Variants in SLCO5A1 observed in about 807,000 individuals in gnomAD.
SLCO5A1 encodes the protein solute carrier organic anion transporter family member 5A1.
Under a neutral mutation model 65.1 loss-of-function variants are expected in SLCO5A1, and 39 were observed. The ratio of observed to expected loss-of-function variants is 0.60; its 90% confidence interval spans 0.46 to 0.78. The LOEUF (loss-of-function observed/expected upper bound fraction) is 0.78. Ranked by LOEUF, SLCO5A1 falls within the 30% of genes least tolerant of loss-of-function variation. SLCO5A1 has a pLI of 0.00. For missense variants in SLCO5A1, 1,029 were observed against 1,069.4 expected, an observed-to-expected ratio of 0.96 and a Z score of 0.53; for synonymous variants, 438 against 415.7, an observed-to-expected ratio of 1.05 and a Z score of -0.65.
intron 5 of SLCO5A1, among the ~76,000 whole-genome samples, 177 bp downstream of exon 5, chr8:69,737,863 C>T (rs984586958): frequency 2.6e-5 from 4 of 152,134 alleles, no homozygotes; most frequent in Non-Finnish European, 5.9e-5. Context: ...CATGGTAATA[C>T]AATCTGAATC....
chr8:69,792,302 GA>G (rs1334591940), intron 2 of SLCO5A1, among the ~76,000 whole-genome samples: 4 of 152,162 alleles, frequency 2.6e-5, no homozygotes, highest in Non-Finnish European at 4.4e-5. Flanking sequence ...GCAAGATCTT[GA>G]AGGACAAGTA....
chr8:69,806,559 A>T (rs929295953), intron 2 of SLCO5A1, among the ~76,000 whole-genome samples: 1 of 152,214 alleles, frequency 6.6e-6, no homozygotes, highest in African/African-American at 2.4e-5. Flanking sequence ...AACAAGATGA[A>T]CCAGAACAGC....
Position 69,669,446 on chromosome 8 carries a change from G to A in SLCO5A1, c.*3423C>T, listed in dbSNP as rs927417485. 6.6e-6 allele frequency: 1 copy of A among 152,128 alleles called. No homozygotes were observed. Among genetic ancestry groups the A allele is most frequent in the Non-Finnish European group, 1.5e-5 (1 of 68,022 alleles). The allele number at this position is 152,128 out of a possible 1,614,324, so 9.4% of individuals were successfully genotyped here. ...TGAGAGAAATCTATGTCTGAATCCT[G>A]ACTTTACCATTCTGTATGATCCTAA... On this transcript the variant is annotated 3_prime_UTR_variant, in exon 10 of 10. Coordinates refer to ENST00000260126, the MANE Select transcript of SLCO5A1 (RefSeq NM_030958.3).
At chr8:69,771,275 C>T (rs543034663) in intron 2 of SLCO5A1, among the ~76,000 whole-genome samples, 9 of 152,300 alleles carry the variant, frequency 5.9e-5, no homozygotes, top group Non-Finnish European at 1.2e-4. Context: ...TGAACCACCA[C>T]GCCCCACCTG....
chr8:69,673,354 G>A, intron 9 of SLCO5A1, 28 bp from the exon 10 acceptor site: 1 of 1,574,092 alleles, frequency 6.4e-7, no homozygotes, highest in Non-Finnish European at 8.7e-7. Flanking sequence ...AAGAAAATAC[G>A]AAGACTTAGC....
Position 69,832,780 on chromosome 8 carries a change from G to T in SLCO5A1, c.-107C>A. 1 of 1,346,112 alleles carries T rather than the reference G, an allele frequency of 7.4e-7. No individual in the cohort carries two copies. Among genetic ancestry groups the T allele is most frequent in the South Asian group, 1.4e-5 (1 of 69,140 alleles). The allele number at this position is 1,346,112 out of a possible 1,614,324, so 83.4% of individuals were successfully genotyped here. On this transcript the variant is annotated 5_prime_UTR_variant, in exon 2 of 10. Transcript: ENST00000260126. This position sits in a 1 kb window ranked among gnomAD's most constrained non-coding sequence, Gnocchi z 4.5. ...CGGGCCCAGTCAGTCTTGCCCACCT[G>T]GGACTGGGGCTGGGGGCGCAGGGCC...
chr8:69,721,998 C>T (rs1252522945), intron 5 of SLCO5A1, among the ~76,000 whole-genome samples: 2 of 152,042 alleles, frequency 1.3e-5, no homozygotes, highest in Non-Finnish European at 2.9e-5. Context: ...ATAGCAAAAC[C>T]TCATCTGTAC....
intron 2 of SLCO5A1, among the ~76,000 whole-genome samples, chr8:69,817,332 T>C (rs149711628): frequency 6.6e-6 from 1 of 152,226 alleles, no homozygotes; most frequent in Non-Finnish European, 1.5e-5. Flanking sequence ...CCTTCCTTTT[T>C]AAGGCTGAAT....
chr8:69,758,816 C>T (rs1258140785), intron 3 of SLCO5A1, among the ~76,000 whole-genome samples: 4 of 152,094 alleles, frequency 2.6e-5, no homozygotes, highest in South Asian at 2.1e-4. Flanking sequence ...TCAATAACAG[C>T]TACACTTGAA....
At position 69,717,720 on chromosome 8, in the gene SLCO5A1, C is replaced by T. The variant is rs1276112578; in HGVS notation, c.1424-12491G>A. On this transcript the variant is annotated intron_variant, in intron 5 of 9. Coordinates refer to ENST00000260126, the MANE Select transcript of SLCO5A1 (RefSeq NM_030958.3). ...GACATCCTAATAATATTAAGTCTTC[C>T]AATCCATGAACATGCAATGTCTTTT... 2.6e-5 allele frequency among the ~76,000 whole-genome samples: 4 copies of T among 152,130 alleles called. No homozygotes were observed. In the East Asian group the frequency reaches 5.8e-4, roughly 22 times the overall value.
chr8:69,671,362 C>T lies in SLCO5A1; in HGVS notation c.*1507G>A, dbSNP rs1813323986. The T allele has an allele frequency of 6.6e-6, 1 of 152,322 alleles. No homozygotes were observed. Among genetic ancestry groups the T allele is most frequent in the Middle Eastern group, 3.4e-3 (1 of 294 alleles). The allele number at this position is 152,322 out of a possible 1,614,324, so 9.4% of individuals were successfully genotyped here. A position where few individuals can be genotyped will look rare whatever the true frequency, so the allele number is the denominator to read the frequency against. ...ATAAGGGTAAACCAGAAGAGAAAAA[C>T]ATTTCCCTAATTAGCCCTCCATGAC... On this transcript the variant is annotated 3_prime_UTR_variant, in exon 10 of 10. Coordinates refer to ENST00000260126, the MANE Select transcript of SLCO5A1 (RefSeq NM_030958.3).
rs1813203596 is a variant in SLCO5A1, at chr8:69,667,100, CA to C, written c.*5768del. On this transcript the variant is annotated 3_prime_UTR_variant, in exon 10 of 10. Transcript: ENST00000260126. ...AACTTTTTTCTTAATTTTCAATAAT[CA>C]AGTATTCAAGATGCTGTAAACCAAG... is the stretch of plus-strand genomic sequence containing the variant. 1 of 152,158 alleles carries C rather than the reference CA, an allele frequency of 6.6e-6. No individual in the cohort carries two copies. The highest frequency in any genetic ancestry group is 1.5e-5 in the Non-Finnish European group (1 of 68,022). The allele number at this position is 152,158 out of a possible 1,614,324, so 9.4% of individuals were successfully genotyped here.
At chr8:69,728,298 A>G (rs1225737802) in intron 5 of SLCO5A1, among the ~76,000 whole-genome samples, 3 of 152,202 alleles carry the variant, frequency 2.0e-5, no homozygotes, top group Non-Finnish European at 2.9e-5. Flanking sequence ...ATGGCTTCCT[A>G]TAGAGAGAGG....
Position 69,676,662 on chromosome 8 carries a change from T to C in SLCO5A1, c.2036A>G (p.Asp679Gly), listed in dbSNP as rs141644339. 3.1e-6 allele frequency: 5 copies of C among 1,612,052 alleles called. No homozygotes were observed. The highest frequency in any genetic ancestry group is 1.3e-5 in the African/African-American group (1 of 74,856). The change falls in exon 9 of 10, where the codon GAT (aspartate) becomes GGT (glycine). Residue 679 changes from aspartate (D) to glycine (G), a missense_variant. Physicochemically the swap from Asp to Gly is moderately conservative, Grantham distance 94 (BLOSUM62 -1). Coordinates refer to ENST00000260126, the MANE Select transcript of SLCO5A1 (RefSeq NM_030958.3). ...AIIVTLRSVE[D>G]EERPFALGMQ... is the part of the protein sequence containing the mutation. ...TCCCAGTGCAAAAGGTCTCTCCTCA[T>C]CTTCTACGGACCTACAGTGAAGGGA...
At chr8:69,787,363 A>C (rs115244401) in intron 2 of SLCO5A1, among the ~76,000 whole-genome samples, 3,655 of 152,288 alleles carry the variant, frequency 0.024, 142 homozygotes, top group African/African-American at 0.084. Context: ...AGAAGCTGTT[A>C]GTTTTGCAGA....
At chr8:69,768,042 G>A (rs1292831842) in intron 2 of SLCO5A1, among the ~76,000 whole-genome samples, 1 of 151,848 alleles carries the variant, frequency 6.6e-6, no homozygotes, top group African/African-American at 2.4e-5. Flanking sequence ...AGACCAGCCT[G>A]GGCAACATGG....
intron 3 of SLCO5A1, among the ~76,000 whole-genome samples, chr8:69,757,968 TTACC>T (rs1266285671): frequency 6.6e-6 from 1 of 152,160 alleles, no homozygotes; most frequent in African/African-American, 2.4e-5. Flanking sequence ...TATCCTGTCT[TTACC>T]ACTTGCTTAC....
At chr8:69,799,888 A>G (rs964912342) in intron 2 of SLCO5A1, among the ~76,000 whole-genome samples, 4 of 152,220 alleles carry the variant, frequency 2.6e-5, no homozygotes, top group Non-Finnish European at 2.9e-5. Flanking sequence ...GGGTGGGGAC[A>G]CAGCCAAACC....
At chr8:69,744,794 C>T (rs1460269465) in intron 4 of SLCO5A1, among the ~76,000 whole-genome samples, 1 of 152,174 alleles carries the variant, frequency 6.6e-6, no homozygotes, top group African/African-American at 2.4e-5. Flanking sequence ...ACATAATTTC[C>T]TCCTGGGGAG....
Sources: allele counts gnomAD v4.1 joint callset (sites outside exome capture counted in the v4.1 genomes callset), GRCh38; gene constraint gnomAD v4.1.1; non-coding constraint Gnocchi (gnomAD v3.1); transcripts MANE v1.5; gene names NCBI Gene and HGNC (gene_info 2026-07-23, HGNC 2026-07-21).